RFFL: variants seen among roughly 807,000 people sequenced by gnomAD.
The protein encoded by RFFL is E3 ubiquitin-protein ligase rififylin.
In RFFL, 16 loss-of-function variants were observed where a neutral mutation model predicts 40.4. The ratio of observed to expected loss-of-function variants is 0.40; its 90% CI spans 0.27 to 0.60. The LOEUF (loss-of-function observed/expected upper bound fraction) is 0.60, where lower values mean the gene tolerates loss of function less well. Ranked by LOEUF, RFFL falls within the 20% of genes least tolerant of loss-of-function variation. The pLI is 0.47. For missense variants in RFFL, 367 were observed against 451.7 expected (o/e 0.81, Z 1.70); for synonymous variants, 154 against 167.9 (o/e 0.92, Z 0.64).
intron 1 of RFFL, among the ~76,000 whole-genome samples, chr17:35,031,152 G>A (rs11652938): frequency 0.1 from 15,439 of 152,032 alleles, 1,046 homozygotes; most frequent in Middle Eastern, 0.18. Flanking sequence ...TGTCGCCCAG[G>A]CTGGAGTGCA....
intron 1 of RFFL, among the ~76,000 whole-genome samples, chr17:35,031,922 C>T (rs1374853195): frequency 6.6e-6 from 1 of 151,672 alleles, no homozygotes; most frequent in Non-Finnish European, 1.5e-5. Flanking sequence ...GGTGAAACCC[C>T]GTCTCTACTA....
chr17:35,080,868 T>C (rs908818084), intron 1 of RFFL, among the ~76,000 whole-genome samples: 2 of 152,150 alleles, frequency 1.3e-5, no homozygotes, highest in African/African-American at 4.8e-5. Flanking sequence ...TCAGAGATAA[T>C]GAAAACATAT....
At chr17:35,086,289 C>T (rs942178200) in intron 1 of RFFL, among the ~76,000 whole-genome samples, 15 of 152,062 alleles carry the variant, frequency 9.9e-5, no homozygotes, top group Admixed American at 6.6e-4. Flanking sequence ...CATTTGAGAT[C>T]AGCCTGGGCA....
chr17:35,044,991 C>A (rs1363012707), intron 1 of RFFL, among the ~76,000 whole-genome samples: 1 of 152,068 alleles, frequency 6.6e-6, no homozygotes, highest in Non-Finnish European at 1.5e-5. Context: ...CCCACCTCAA[C>A]TTCCCAAAGG....
Position 35,017,530 on chromosome 17 carries a change from T to G in RFFL, c.668A>C (p.Glu223Ala). The change falls in exon 4 of 7, where the codon GAG becomes GCG. Residue 223 changes from glutamate (E) to alanine (A), a missense_variant. Coordinates refer to ENST00000394597, the MANE Select transcript of RFFL (RefSeq NM_001017368.2). ...CCCAAGCAGAGGCCCCACCTGGGTC[T>G]CATCCTCAGCAGGTACTCTGGCCAC... ...ESVARVPAED[E>A]TQSIDSEDSF... is the part of the protein sequence containing the mutation. 1 of 1,608,516 alleles carries G rather than the reference T, an allele frequency of 6.2e-7. No homozygotes were observed. Among genetic ancestry groups the G allele is most frequent in the Non-Finnish European group, 8.5e-7 (1 of 1,176,758 alleles).
rs762171829 is a variant in RFFL at position 35,017,014 on chromosome 17, C to T, written c.676-434G>A. ...GGGTCCTGTAGAGGTTAAATATGGC[C>T]GCACATGAAACCCAGCATGGTGCTG... On this transcript the variant is annotated intron_variant, in intron 4 of 6. Transcript: ENST00000394597. Among the ~76,000 whole-genome samples the T allele has an allele frequency of 1.3e-4, 20 of 152,022 alleles. 1 individual carries two copies. Among genetic ancestry groups the T allele is most frequent in the African/African-American group, 2.2e-4 (9 of 41,390 alleles).
intron 6 of RFFL, 63 bp from the exon 7 acceptor site, chr17:35,012,212 T>C: frequency 7.0e-7 from 1 of 1,434,780 alleles, no homozygotes; most frequent in South Asian, 1.3e-5. Flanking sequence ...CTTAAGTGTA[T>C]AGGGGTGACT....
At chr17:35,024,851 AAC>A (rs2091031330) in intron 2 of RFFL, among the ~76,000 whole-genome samples, 1 of 152,224 alleles carries the variant, frequency 6.6e-6, no homozygotes, top group Admixed American at 6.5e-5. Flanking sequence ...CATAGATGAA[AAC>A]ACCCTTAATA....
intron 5 of RFFL, among the ~76,000 whole-genome samples, chr17:35,015,792 TC>T (rs1325953578): frequency 1.3e-5 from 2 of 152,230 alleles, no homozygotes; most frequent in Admixed American, 1.3e-4. Flanking sequence ...AATATAAAAA[TC>T]TACCATAAAT....
intron 6 of RFFL, among the ~76,000 whole-genome samples, chr17:35,012,770 T>C (rs2090948981): frequency 6.6e-6 from 1 of 152,214 alleles, no homozygotes; most frequent in Non-Finnish European, 1.5e-5. Context: ...CCCACAAAAC[T>C]TTTTTATACC....
At chr17:35,079,473 T>C (rs2091394073) in intron 1 of RFFL, among the ~76,000 whole-genome samples, 2 of 152,364 alleles carry the variant, frequency 1.3e-5, no homozygotes, top group South Asian at 4.1e-4. Flanking sequence ...TTTTCCTTTT[T>C]AATACTGCTT....
rs529641500 is a variant in RFFL at position 35,030,881 on chromosome 17, A to G, written c.-8-4320T>C. Reference sequence around the variant, plus strand: ...AGGGCTGTGTTACCTCCCTCTAACAAGTAATAGACTTTCTGTACTTCATTT... The same window carrying G: ...AGGGCTGTGTTACCTCCCTCTAACAGGTAATAGACTTTCTGTACTTCATTT... On this transcript the variant is annotated intron_variant, in intron 1 of 6. Coordinates refer to ENST00000394597, the MANE Select transcript of RFFL (RefSeq NM_001017368.2). 2.0e-5 allele frequency among the ~76,000 whole-genome samples: 3 copies of G among 152,224 alleles called. No homozygotes were observed. In the East Asian group the frequency reaches 5.8e-4, roughly 29 times the overall value.
At chr17:35,040,274 G>A (rs2091155131) in intron 1 of RFFL, among the ~76,000 whole-genome samples, 1 of 151,920 alleles carries the variant, frequency 6.6e-6, no homozygotes. Context: ...GCTGTCTTAG[G>A]CCTCCCTCTC....
At chr17:35,020,110 A>G (rs369413562) in intron 3 of RFFL, among the ~76,000 whole-genome samples, 10 of 152,304 alleles carry the variant, frequency 6.6e-5, no homozygotes, top group African/African-American at 2.2e-4. Context: ...GGCAAGATCA[A>G]AAGTGGTCTG....
At chr17:35,038,404 C>T (rs1049144926) in intron 1 of RFFL, among the ~76,000 whole-genome samples, 12 of 152,214 alleles carry the variant, frequency 7.9e-5, no homozygotes, top group Non-Finnish European at 1.5e-4. Context: ...TGCATATACA[C>T]GCGCACCCAC....
intron 1 of RFFL, among the ~76,000 whole-genome samples, chr17:35,035,383 T>C (rs2091113994): frequency 1.3e-5 from 2 of 149,320 alleles, no homozygotes; most frequent in Non-Finnish European, 3.0e-5. Flanking sequence ...CACTCCAGCC[T>C]GGGCAACAGA....
chr17:35,074,442 C>T (rs2091366326), intron 1 of RFFL: 1 of 152,198 alleles, frequency 6.6e-6, no homozygotes, highest in Non-Finnish European at 1.5e-5. Context: ...GGACTGGTTA[C>T]TTCTGCAGCC....
At chr17:35,071,714 A>G (rs573097910) in intron 1 of RFFL, among the ~76,000 whole-genome samples, 3 of 152,310 alleles carry the variant, frequency 2.0e-5, no homozygotes, top group East Asian at 3.9e-4. Flanking sequence ...TGCTTAACCC[A>G]AAGAAACTAA....
At chr17:35,065,087 T>G (rs1161306261), upstream of RFFL, among the ~76,000 whole-genome samples, 1 of 152,132 alleles carries the variant, frequency 6.6e-6, no homozygotes, top group Non-Finnish European at 1.5e-5. Context: ...CACATCTTTA[T>G]AGCAGCTGAC....
Sources: allele counts gnomAD v4.1 joint callset (sites outside exome capture counted in the v4.1 genomes callset), GRCh38; gene constraint gnomAD v4.1.1; transcripts MANE v1.5; gene names NCBI Gene and HGNC (gene_info 2026-07-23, HGNC 2026-07-21).